Variants in PSMD8 observed in about 807,000 individuals in gnomAD.
PSMD8 encodes the protein proteasome 26S subunit, non-ATPase 8.
Under a neutral mutation model 40.0 loss-of-function variants are expected in PSMD8, and 30 were observed. That is an observed-to-expected ratio of 0.75 (90% CI 0.56 to 1.02). The LOEUF is 1.02. Among genes scored for constraint, PSMD8 ranks in the 50% least tolerant of loss-of-function variants. The pLI is 0.00. For synonymous variants in PSMD8, 208 were observed against 192.5 expected (o/e 1.08, Z -0.67); for missense variants, 461 against 463.9 (o/e 0.99, Z 0.06).
rs4801727 is a variant in PSMD8, at chr19:38,383,190, C to A, written c.916-63C>A. 3.9e-3 allele frequency: 6,229 copies of A among 1,604,046 alleles called. 161 individuals are homozygous for A. In the Admixed American group the frequency reaches 0.062, roughly 16 times the overall value. On this transcript the variant is annotated intron_variant, in intron 6 of 6. Coordinates refer to ENST00000215071, the MANE Select transcript of PSMD8 (RefSeq NM_002812.5). ...AGGACACGTGGGCAAGTGCTGGCCC[C>A]ATAGGGTGGGGATGGAGCCTTTGTG...
intron 3 of PSMD8, among the ~76,000 whole-genome samples, chr19:38,378,075 T>C (rs1299644669): frequency 1.3e-5 from 2 of 152,260 alleles, no homozygotes; most frequent in Admixed American, 6.5e-5. Context: ...AAATGGATAC[T>C]GTGAGGCCGG....
intron 6 of PSMD8, chr19:38,382,459 G>A (rs1159860802): frequency 4.9e-5 from 28 of 575,810 alleles, no homozygotes; most frequent in Admixed American, 2.6e-4. Flanking sequence ...GGCGCTGCAC[G>A]CATGTTGGCT....
At position 38,376,333 on chromosome 19, in the gene PSMD8, C is replaced by T. The variant is rs1271144485; in HGVS notation, c.434-19C>T. ...AGAGACCTCAGTCACCTCCTGAGAG[C>T]TCACTCTGTCACCCACAGGTGACAT... On this transcript the variant is annotated intron_variant, in intron 2 of 6. Coordinates refer to ENST00000215071, the MANE Select transcript of PSMD8 (RefSeq NM_002812.5). 1.3e-6 allele frequency: 2 copies of T among 1,543,872 alleles called. No homozygotes were observed. Among genetic ancestry groups the T allele is most frequent in the African/African-American group, 1.4e-5 (1 of 72,814 alleles).
rs745882132 is a variant in PSMD8 at position 38,376,411 on chromosome 19, G to C, written c.493G>C (p.Glu165Gln). 2 of 1,552,424 alleles carry C rather than the reference G, an allele frequency of 1.3e-6. No individual in the cohort carries two copies. The highest frequency in any genetic ancestry group is 2.0e-5 in the Admixed American group (1 of 51,090). ...SILRKDIPSF[E>Q]RYMAQLKCYY... The stretch of plus-strand genomic sequence containing the variant: ...CCTACGCAAGGACATCCCCTCCTTC[G>C]AGCGCTACATGGCCCAGCTCAAATG... Residue 165 changes from glutamate (E) to glutamine (Q), a missense_variant, in exon 3 of 7, where the codon GAG (glutamate) becomes CAG (glutamine). Coordinates refer to ENST00000215071, the MANE Select transcript of PSMD8 (RefSeq NM_002812.5).
At position 38,374,777 on chromosome 19, in the gene PSMD8, C is replaced by T. The variant is rs200109220; in HGVS notation, c.176C>T (p.Ala59Val). The T allele has an allele frequency of 1.9e-6, 3 of 1,569,728 alleles. No individual in the cohort carries two copies. The highest frequency in any genetic ancestry group is 1.2e-5 in the South Asian group (1 of 86,584). Residue 59 changes from alanine to valine, a missense_variant, in exon 1 of 7, where the codon GCC (alanine) becomes GTC (valine). Around this residue, in one of 2 missense-constraint regions of PSMD8, gnomAD observed 225 missense variants for 142.7 expected, o/e 1.58. Coordinates refer to ENST00000215071, the MANE Select transcript of PSMD8 (RefSeq NM_002812.5). ...RRCRKSGGLL[A>V]ASRKMAAAAV... Reference sequence around the variant, plus strand: ...TGCCGTAAATCAGGCGGTCTGCTTGCCGCATCACGCAAGATGGCGGCCGCG... The same window carrying T: ...TGCCGTAAATCAGGCGGTCTGCTTGTCGCATCACGCAAGATGGCGGCCGCG...
rs1016282091 is a variant in PSMD8 at position 38,382,096 on chromosome 19, G to A, written c.804-21G>A. On this transcript the variant is annotated intron_variant, in intron 5 of 6. Transcript: ENST00000215071. ...GAGGTTGTTGATGCTCAGTAATGAG[G>A]AGCTTCTCATCTTCCCCCAGGGATG... 7.2e-6 allele frequency: 11 copies of A among 1,537,354 alleles called. No individual in the cohort carries two copies. The African/African-American group carries it at 1.4e-4, about 19-fold the overall frequency.
chr19:38,379,602 C>T (rs887182907), intron 4 of PSMD8, among the ~76,000 whole-genome samples, 197 bp downstream of exon 4: 1 of 152,192 alleles, frequency 6.6e-6, no homozygotes, highest in Non-Finnish European at 1.5e-5. Flanking sequence ...TGCAGTGAGC[C>T]AAGCAGGTGA....
intron 3 of PSMD8, 46 bp downstream of exon 3, chr19:38,376,500 G>C (rs1291477561): frequency 3.4e-6 from 5 of 1,465,146 alleles, no homozygotes; most frequent in Admixed American, 2.0e-5. Flanking sequence ...TTGCATGGAA[G>C]CTCCTTTATT....
At chr19:38,375,087 G>A (rs1970586998) in intron 1 of PSMD8, 126 bp downstream of exon 1, 18 of 1,419,542 alleles carry the variant, frequency 1.3e-5, no homozygotes, top group Middle Eastern at 2.3e-4. Flanking sequence ...GCGGGCTGGG[G>A]GATCCGATGG....
chr19:38,380,543 G>A (rs772988440), intron 4 of PSMD8, among the ~76,000 whole-genome samples: 1 of 151,916 alleles, frequency 6.6e-6, no homozygotes, highest in Non-Finnish European at 1.5e-5. Context: ...AGCACAGTTC[G>A]GGCAAAGGTG....
intron 3 of PSMD8, among the ~76,000 whole-genome samples, chr19:38,377,855 G>C (rs930478524): frequency 1.3e-5 from 2 of 152,154 alleles, no homozygotes; most frequent in Non-Finnish European, 2.9e-5. Context: ...GGCCAGGCTG[G>C]TCTTGAACTC....
At chr19:38,376,787 C>G (rs985845812) in intron 3 of PSMD8, among the ~76,000 whole-genome samples, 1 of 152,230 alleles carries the variant, frequency 6.6e-6, no homozygotes, top group African/African-American at 2.4e-5. Flanking sequence ...ACTGTCCATA[C>G]CCCGCTCAGA....
At chr19:38,383,220 C>G in intron 6 of PSMD8, 33 bp from the exon 7 acceptor site, 1 of 1,611,888 alleles carries the variant, frequency 6.2e-7, no homozygotes, top group Non-Finnish European at 8.5e-7. Context: ...TTTGTGATCA[C>G]TCTACTCGTC....
chr19:38,376,561 T>A, intron 3 of PSMD8, 107 bp downstream of exon 3: 1 of 1,014,432 alleles, frequency 9.9e-7, no homozygotes, highest in Non-Finnish European at 1.5e-6. Flanking sequence ...GAACTCCTCC[T>A]GGCTTAGTTC....
chr19:38,375,268 C>A, intron 1 of PSMD8: 1 of 374,744 alleles, frequency 2.7e-6, no homozygotes, highest in Non-Finnish European at 4.9e-6. Flanking sequence ...CATAGCGAGA[C>A]TCTGTCTCTA....
In PSMD8 at chr19:38,381,992, C is replaced by T. The variant is rs1005732123; in HGVS notation, c.804-125C>T. 8 of 670,624 alleles carry T rather than the reference C, an allele frequency of 1.2e-5. No homozygotes were observed. The African/African-American group carries it at 1.3e-4, about 11-fold the overall frequency. The allele number at this position is 670,624 out of a possible 1,614,324, so 41.5% of individuals were successfully genotyped here. A position where few individuals can be genotyped will look rare whatever the true frequency, so the allele number is the denominator to read the frequency against. On this transcript the variant is annotated intron_variant, in intron 5 of 6. Transcript: ENST00000215071. ...TGAGCCTTGATGAATAAAACAGGGC[C>T]CTTCACATATTCCTGCCATCAGTGC... is the stretch of plus-strand genomic sequence containing the variant.
intron 5 of PSMD8, among the ~76,000 whole-genome samples, chr19:38,381,666 G>A (rs1262855251): frequency 6.6e-6 from 1 of 152,208 alleles, no homozygotes; most frequent in Non-Finnish European, 1.5e-5. Flanking sequence ...TTTCCCCAGA[G>A]CTTACCCCCT....
At chr19:38,379,476 C>G in intron 4 of PSMD8, 71 bp downstream of exon 4, 1 of 1,525,056 alleles carries the variant, frequency 6.6e-7, no homozygotes, top group Non-Finnish European at 9.0e-7. Flanking sequence ...GGAGGGCTTT[C>G]CTGAAGGAGT....
In PSMD8 at chr19:38,376,442, A is replaced by G. The variant is rs1334278300; in HGVS notation, c.524A>G (p.Tyr175Cys). 1.3e-6 allele frequency: 2 copies of G among 1,550,650 alleles called. No individual in the cohort carries two copies. Among genetic ancestry groups the G allele is most frequent in the Non-Finnish European group, 1.7e-6 (2 of 1,145,940 alleles). ...ERYMAQLKCY[Y>C]FDYKEQLPES... ...TACATGGCCCAGCTCAAATGCTACT[A>G]CTTTGATTACAAGTGAGAATGGGCC... The change falls in exon 3 of 7, where the codon TAC (tyrosine) becomes TGC (cysteine). Residue 175 changes from tyrosine (Y) to cysteine (C), a missense_variant. Transcript: ENST00000215071.
Sources: allele counts gnomAD v4.1 joint callset (sites outside exome capture counted in the v4.1 genomes callset), GRCh38; gene constraint gnomAD v4.1.1; regional missense constraint gnomAD v4.1.1; transcripts MANE v1.5; gene names NCBI Gene and HGNC (gene_info 2026-07-23, HGNC 2026-07-21).